The following KCTD8 variants were observed in gnomAD, a reference collection of about 807,000 sequenced individuals.
KCTD8 encodes BTB/POZ domain-containing protein KCTD8.
KCTD8 carries 27 observed loss-of-function variants against 31.5 expected under a neutral mutation model. The observed-to-expected ratio is 0.86, with a 90% CI of 0.63 to 1.18. KCTD8 has a LOEUF of 1.18. KCTD8 is among the 50% of genes most tolerant of loss of function. The pLI is 0.00. For synonymous variants in KCTD8, 290 were observed against 280.0 expected, an observed-to-expected ratio of 1.04 and a Z score of -0.36; for missense variants, 658 against 647.7, an observed-to-expected ratio of 1.02 and a Z score of -0.17.
intron 1 of KCTD8, among the ~76,000 whole-genome samples, chr4:44,314,749 T>C (rs1718059238): frequency 6.6e-6 from 1 of 152,002 alleles, no homozygotes; most frequent in South Asian, 2.1e-4. Flanking sequence ...TATATTTCAC[T>C]ATCAGTACAT....
chr4:44,424,308 G>A (rs1038554072), intron 1 of KCTD8, among the ~76,000 whole-genome samples: 1 of 152,022 alleles, frequency 6.6e-6, no homozygotes, highest in Non-Finnish European at 1.5e-5. Context: ...TCTATACGTA[G>A]TATCAGGCAT....
intron 1 of KCTD8, among the ~76,000 whole-genome samples, chr4:44,416,112 A>C: frequency 6.6e-6 from 1 of 152,234 alleles, no homozygotes. Context: ...CAGGACATGG[A>C]GTCAAAGGAG....
intron 1 of KCTD8, among the ~76,000 whole-genome samples, chr4:44,331,375 G>T (rs902566694): frequency 6.6e-6 from 1 of 151,688 alleles, no homozygotes. Context: ...TAGCTCCAAC[G>T]CACTTTAACG....
chr4:44,383,556 C>A (rs1200317851), intron 1 of KCTD8, among the ~76,000 whole-genome samples: 1 of 151,946 alleles, frequency 6.6e-6, no homozygotes, highest in Non-Finnish European at 1.5e-5. Flanking sequence ...CAAGAATGTA[C>A]AATGGGGAAA....
At chr4:44,211,958 C>T (rs187794580) in intron 1 of KCTD8, among the ~76,000 whole-genome samples, 1 of 151,396 alleles carries the variant, frequency 6.6e-6, no homozygotes, top group Non-Finnish European at 1.5e-5. Context: ...TACAGTTTTC[C>T]TCTTTTTTAC....
chr4:44,200,198 A>C (rs1714095753), intron 1 of KCTD8, among the ~76,000 whole-genome samples: 1 of 151,934 alleles, frequency 6.6e-6, no homozygotes, highest in South Asian at 2.1e-4. Flanking sequence ...GTCCTGGACA[A>C]GATGTATTTA....
At chr4:44,256,677 A>G (rs76080430) in intron 1 of KCTD8, among the ~76,000 whole-genome samples, 12,004 of 151,906 alleles carry the variant, frequency 0.079, 635 homozygotes, top group Non-Finnish European at 0.11. Flanking sequence ...GGGCCTTTGT[A>G]AGCAGGAGGC....
At chr4:44,235,958 G>A (rs538339038) in intron 1 of KCTD8, among the ~76,000 whole-genome samples, 3 of 152,096 alleles carry the variant, frequency 2.0e-5, no homozygotes, top group South Asian at 2.1e-4. Context: ...AGTGTGAGCC[G>A]GGATAAAATG....
intron 1 of KCTD8, among the ~76,000 whole-genome samples, chr4:44,290,056 G>C (rs1159570168): frequency 6.6e-6 from 1 of 152,056 alleles, no homozygotes; most frequent in African/African-American, 2.4e-5. Context: ...ATTGTCTTCT[G>C]TCTTCAAAAG....
intron 1 of KCTD8, among the ~76,000 whole-genome samples, chr4:44,324,180 G>C (rs1449855026): frequency 6.6e-6 from 1 of 151,824 alleles, no homozygotes; most frequent in Non-Finnish European, 1.5e-5. Context: ...GGATAGGCCA[G>C]CCTGGTATGT....
intron 1 of KCTD8, among the ~76,000 whole-genome samples, chr4:44,368,330 A>G (rs535928125): frequency 6.6e-6 from 1 of 152,306 alleles, no homozygotes; most frequent in East Asian, 1.9e-4. Context: ...GGTTGCAGTG[A>G]GCCCAGACTG....
chr4:44,222,385 G>A (rs1714832544), intron 1 of KCTD8, among the ~76,000 whole-genome samples: 1 of 152,164 alleles, frequency 6.6e-6, no homozygotes, highest in Non-Finnish European at 1.5e-5. Context: ...CTGAAATCAT[G>A]TCTTGTCTTT....
chr4:44,201,618 A>T (rs1191923845), intron 1 of KCTD8, among the ~76,000 whole-genome samples: 1 of 151,848 alleles, frequency 6.6e-6, no homozygotes, highest in East Asian at 1.9e-4. Flanking sequence ...ATTACATTGG[A>T]CTCTACCTTT....
In KCTD8 at chr4:44,377,783, G is replaced by A. The variant is rs544838129; in HGVS notation, c.961+69780C>T. Among the ~76,000 whole-genome samples, 152 of 152,304 alleles carry A rather than the reference G, an allele frequency of 1.0e-3. 2 individuals carry two copies. The South Asian group carries it at 0.03, about 30-fold the overall frequency. On this transcript the variant is annotated intron_variant, in intron 1 of 1. Coordinates refer to ENST00000360029, the MANE Select transcript of KCTD8 (RefSeq NM_198353.3). ...CATGATCAAACAGGCCTAGATGGAA[G>A]TAGTGTGGACTTGTTATCTCAAGGA...
chr4:44,395,511 C>T (rs1720480152), intron 1 of KCTD8, among the ~76,000 whole-genome samples: 1 of 152,066 alleles, frequency 6.6e-6, no homozygotes, highest in Admixed American at 6.6e-5. Flanking sequence ...TGGGAACACC[C>T]ATATTCGGCA....
chr4:44,224,896 G>A (rs1714909738), intron 1 of KCTD8, among the ~76,000 whole-genome samples: 1 of 5,066 alleles, frequency 2.0e-4, no homozygotes, highest in Non-Finnish European at 3.4e-4. Context: ...TACTGGAGAA[G>A]GAGACATCAC....
chr4:44,338,501 CTGCAGTGTATT>C (rs760468451), intron 1 of KCTD8, among the ~76,000 whole-genome samples: 3 of 152,174 alleles, frequency 2.0e-5, no homozygotes, highest in Non-Finnish European at 4.4e-5. Flanking sequence ...TCTACGAAAA[CTGCAGTGTATT>C]TGCCTTCTGT....
chr4:44,421,752 C>T (rs961091869), intron 1 of KCTD8, among the ~76,000 whole-genome samples: 1 of 152,100 alleles, frequency 6.6e-6, no homozygotes, highest in East Asian at 1.9e-4. Flanking sequence ...AGACAAAATC[C>T]TTGGAAATAA....
chr4:44,391,300 A>T (rs529020578), intron 1 of KCTD8, among the ~76,000 whole-genome samples: 166 of 151,810 alleles, frequency 1.1e-3, no homozygotes, highest in Non-Finnish European at 2.1e-3. Flanking sequence ...ACCAAATACC[A>T]CTTGTTCCCC....
Sources: allele counts gnomAD v4.1 joint callset (sites outside exome capture counted in the v4.1 genomes callset), GRCh38; gene constraint gnomAD v4.1.1; transcripts MANE v1.5; gene names NCBI Gene and HGNC (gene_info 2026-07-23, HGNC 2026-07-21).